Variants in ZNF282 observed in about 807,000 individuals in gnomAD.
ZNF282 encodes the protein HTLV-I U5 repressive element-binding protein 1.
ZNF282 carries 30 observed loss-of-function variants against 61.9 expected under a neutral mutation model. The ratio of observed to expected loss-of-function variants is 0.48; its 90% CI spans 0.36 to 0.66. ZNF282 has a LOEUF of 0.66. Among genes scored for constraint, ZNF282 ranks in the 30% least tolerant of loss-of-function variants. The probability of loss-of-function intolerance (pLI) is 0.00; values close to 1 mark genes in which losing one functional copy is unlikely to be tolerated. For missense variants in ZNF282, 788 were observed against 941.4 expected, an observed-to-expected ratio of 0.84 and a Z score of 2.13; for synonymous variants, 396 against 405.0, an observed-to-expected ratio of 0.98 and a Z score of 0.27.
chr7:149,214,712 G>T (rs942593042), intron 7 of ZNF282, among the ~76,000 whole-genome samples: 2 of 152,100 alleles, frequency 1.3e-5, no homozygotes, highest in African/African-American at 4.8e-5. Flanking sequence ...TTATGCCTGT[G>T]GTCCCAGCTA....
intron 7 of ZNF282, among the ~76,000 whole-genome samples, chr7:149,222,979 G>A (rs1183292785): frequency 6.7e-6 from 1 of 149,010 alleles, no homozygotes; most frequent in African/African-American, 2.5e-5. Flanking sequence ...TTACTTTTTT[G>A]AGAGACAGAG....
Position 149,224,765 on chromosome 7 carries a change from G to A in ZNF282, c.*118G>A. 1 of 1,418,534 alleles carries A rather than the reference G, an allele frequency of 7.0e-7. No homozygotes were observed. Among genetic ancestry groups the A allele is most frequent in the Non-Finnish European group, 9.2e-7 (1 of 1,084,922 alleles). 87.9% of individuals were successfully genotyped at this position (1,418,534 alleles called of 1,614,324 possible). Reference sequence around the variant, plus strand: ...AAATCGGCAACAGGCATTGCACTCCGGTTGGGGGTCCCCCAGGGTGGGGCA... The same window carrying A: ...AAATCGGCAACAGGCATTGCACTCCAGTTGGGGGTCCCCCAGGGTGGGGCA... On this transcript the variant is annotated 3_prime_UTR_variant, in exon 8 of 8. Coordinates refer to ENST00000610704, the MANE Select transcript of ZNF282 (RefSeq NM_003575.4).
chr7:149,224,899 A>G lies in ZNF282; in HGVS notation c.*252A>G, dbSNP rs1796342639. The G allele has an allele frequency of 1.7e-6, 1 of 591,232 alleles. No individual in the cohort carries two copies. The highest frequency in any genetic ancestry group is 2.8e-6 in the Non-Finnish European group (1 of 358,122). The allele number at this position is 591,232 out of a possible 1,614,324, so 36.6% of individuals were successfully genotyped here. On this transcript the variant is annotated 3_prime_UTR_variant, in exon 8 of 8. Transcript: ENST00000610704. The stretch of plus-strand genomic sequence containing the variant: ...CGCGAGGAGCCGAGCGTCCTCGGGC[A>G]CCGCCCTCACACCTCCTCGAGTGCC...
intron 7 of ZNF282, among the ~76,000 whole-genome samples, chr7:149,215,823 T>C (rs1391719142): frequency 6.6e-6 from 1 of 152,192 alleles, no homozygotes; most frequent in Admixed American, 6.5e-5. Context: ...TAGGCTACCA[T>C]TGCTAGCCCT....
Position 149,220,068 on chromosome 7 carries a change from G to A in ZNF282, c.1181-3744G>A, listed in dbSNP as rs115628655. Among the ~76,000 whole-genome samples the A allele has an allele frequency of 4.4e-3, 669 of 152,164 alleles. 5 individuals carry two copies. Among genetic ancestry groups the A allele is most frequent in the African/African-American group, 0.015 (607 of 41,524 alleles). On this transcript the variant is annotated intron_variant, in intron 7 of 7. Transcript: ENST00000610704. ...TCGGAGATAACTAGACCATTGTCTC[G>A]GGTCAGATGCTCCCAACTACTTTAG...
chr7:149,213,227 C>T (rs1585570037), intron 6 of ZNF282, among the ~76,000 whole-genome samples: 1 of 152,164 alleles, frequency 6.6e-6, no homozygotes, highest in Non-Finnish European at 1.5e-5. Context: ...GTCAACTTCA[C>T]CACAGAGAAA....
At chr7:149,216,454 A>G (rs1208559127) in intron 7 of ZNF282, among the ~76,000 whole-genome samples, 1 of 152,232 alleles carries the variant, frequency 6.6e-6, no homozygotes. Flanking sequence ...GGAAATGCAC[A>G]GAATTTAGGA....
chr7:149,212,223 A>AGC, intron 5 of ZNF282, 135 bp from the exon 6 acceptor site: 2 of 596,468 alleles, frequency 3.4e-6, no homozygotes, highest in Non-Finnish European at 5.8e-6. Flanking sequence ...CCTTTAGTTA[A>AGC]TGAGACTTAT....
At chr7:149,214,881 C>G (rs1210045720) in intron 7 of ZNF282, among the ~76,000 whole-genome samples, 1 of 152,064 alleles carries the variant, frequency 6.6e-6, no homozygotes, top group Non-Finnish European at 1.5e-5. Context: ...CCCAGGCATC[C>G]CTGAGCTACC....
intron 4 of ZNF282, among the ~76,000 whole-genome samples, chr7:149,208,784 C>T (rs922393755): frequency 8.6e-5 from 13 of 150,836 alleles, no homozygotes; most frequent in Admixed American, 8.6e-4. Flanking sequence ...TTTGGGAGGC[C>T]GAGGTGGGCG....
In ZNF282 at chr7:149,198,718, G is replaced by A. The variant is rs779198325; in HGVS notation, c.551G>A (p.Arg184Gln). The A allele has an allele frequency of 6.2e-7, 1 of 1,613,806 alleles. No individual in the cohort carries two copies. The highest frequency in any genetic ancestry group is 8.5e-7 in the Non-Finnish European group (1 of 1,179,892). ...CGCAACAGGAACTTCTGGGTCCTGC[G>A]GCTGCCCCCGGGCAGCAAGGGGGAG... is the stretch of plus-strand genomic sequence containing the variant. ...LLRNRNFWVL[R>Q]LPPGSKGEAP... Residue 184 changes from arginine (R) to glutamine (Q), a missense_variant, in exon 2 of 8, where the codon CGG becomes CAG. Physicochemically the swap from Arg to Gln is conservative, Grantham distance 43. Transcript: ENST00000610704. This position sits in a 1 kb window ranked among gnomAD's most constrained non-coding sequence, Gnocchi z 4.3.
At chr7:149,200,571 C>T (rs541287816) in intron 2 of ZNF282, among the ~76,000 whole-genome samples, 3 of 152,032 alleles carry the variant, frequency 2.0e-5, no homozygotes, top group African/African-American at 4.8e-5. Context: ...GACTGCATCC[C>T]GTCTCACAGT....
intron 4 of ZNF282, among the ~76,000 whole-genome samples, chr7:149,209,093 C>T (rs1472140841): frequency 2.0e-5 from 3 of 150,978 alleles, no homozygotes; most frequent in East Asian, 3.9e-4. Context: ...CCGAGGAGGG[C>T]GAATCATGAG....
At position 149,213,781 on chromosome 7, in the gene ZNF282, A is replaced by G. The variant is rs753193861; in HGVS notation, c.1147A>G (p.Met383Val). Residue 383 changes from methionine (M) to valine (V), a missense_variant, in exon 7 of 8, where the codon ATG becomes GTG. Coordinates refer to ENST00000610704, the MANE Select transcript of ZNF282 (RefSeq NM_003575.4). ...ATACCCATGGGGACCACGCGACTCA[A>G]TGGACGGAGAGCTTGGATTAGACTC... ...QPYPWGPRDS[M>V]DGELGLDSGP... The G allele has an allele frequency of 5.6e-5, 91 of 1,613,880 alleles. No individual in the cohort carries two copies. Among genetic ancestry groups the G allele is most frequent in the Non-Finnish European group, 6.7e-5 (79 of 1,179,970 alleles).
chr7:149,222,770 C>G, intron 7 of ZNF282, among the ~76,000 whole-genome samples: 1 of 152,040 alleles, frequency 6.6e-6, no homozygotes, highest in Non-Finnish European at 1.5e-5. Context: ...GCCTCAGCCT[C>G]CCAAGTAGCT....
chr7:149,224,482 G>C lies in ZNF282; in HGVS notation c.1851G>C (p.Leu617=), dbSNP rs777249108. ...CGKSFIRKQN[L]LKHQRIHTGE... ...AGAGCTTCATCCGCAAGCAGAACCT[G>C]CTCAAGCACCAGCGCATCCACACGG... Residue 617 remains leucine, a synonymous_variant, in exon 8 of 8, where the codon CTG becomes CTC. Transcript: ENST00000610704. The C allele has an allele frequency of 6.2e-7, 1 of 1,613,416 alleles. No homozygotes were observed. Among genetic ancestry groups the C allele is most frequent in the East Asian group, 2.2e-5 (1 of 44,866 alleles).
Position 149,223,980 on chromosome 7 carries a change from A to T in ZNF282, c.1349A>T (p.Asp450Val). Reference sequence around the variant, plus strand: ...CCCCCGAGCCGAGGGCTGCTGGACGACGGTTTCCAGGTGCTGCCCGGGGAG... The same window carrying T: ...CCCCCGAGCCGAGGGCTGCTGGACGTCGGTTTCCAGGTGCTGCCCGGGGAG... ...GGPPSRGLLD[D>V]GFQVLPGERG... Residue 450 changes from aspartate to valine, a missense_variant, in exon 8 of 8, where the codon GAC (aspartate) becomes GTC (valine). Asp to Val is a radical substitution (Grantham distance 152). Transcript: ENST00000610704. 1 of 1,274,508 alleles carries T rather than the reference A, an allele frequency of 7.8e-7. No individual in the cohort carries two copies. The allele number at this position is 1,274,508 out of a possible 1,614,324, so 78.9% of individuals were successfully genotyped here. A position where few individuals can be genotyped will look rare whatever the true frequency, so the allele number is the denominator to read the frequency against.
intron 3 of ZNF282, 78 bp from the exon 4 acceptor site, chr7:149,207,273 G>A: frequency 6.6e-7 from 1 of 1,518,748 alleles, no homozygotes. Context: ...GATGGGGTAG[G>A]GGAGAGTTCT....
In ZNF282 at chr7:149,225,563, C is replaced by G. The variant is rs1796355766; in HGVS notation, c.*916C>G. On this transcript the variant is annotated 3_prime_UTR_variant, in exon 8 of 8. Coordinates refer to ENST00000610704, the MANE Select transcript of ZNF282 (RefSeq NM_003575.4). Reference sequence around the variant, plus strand: ...GTCACTGCACAACAGTGGCCTGGTCCCCCACAGGCAGTTAGGGCCCCAGGT... The same window carrying G: ...GTCACTGCACAACAGTGGCCTGGTCGCCCACAGGCAGTTAGGGCCCCAGGT... 2 of 152,658 alleles carry G rather than the reference C, an allele frequency of 1.3e-5. No individual in the cohort carries two copies. The highest frequency in any genetic ancestry group is 1.3e-4 in the Admixed American group (2 of 15,284). The allele number at this position is 152,658 out of a possible 1,614,324, so 9.5% of individuals were successfully genotyped here. A position where few individuals can be genotyped will look rare whatever the true frequency, so the allele number is the denominator to read the frequency against.
Sources: gnomAD v4.1 joint callset for allele counts (sites outside exome capture counted in the v4.1 genomes callset) on GRCh38, gnomAD v4.1.1 for gene constraint, Gnocchi (gnomAD v3.1) non-coding constraint, MANE v1.5 for transcripts, NCBI Gene and HGNC (gene_info 2026-07-23, HGNC 2026-07-21) for gene names.